Variants in NOL11 observed in about 807,000 individuals in gnomAD.
The protein encoded by NOL11 is nucleolar protein 11.
A neutral mutation model predicts 93.0 loss-of-function variants in NOL11; 42 were observed. The observed-to-expected ratio is 0.45, with a 90% CI of 0.35 to 0.58. The LOEUF (loss-of-function observed/expected upper bound fraction) is 0.58. Ranked by LOEUF, NOL11 falls within the 20% of genes least tolerant of loss-of-function variation. The pLI, the probability that NOL11 is intolerant of heterozygous loss-of-function variation, is 0.00. For synonymous variants in NOL11, 296 were observed against 293.7 expected (o/e 1.01, Z -0.08); for missense variants, 775 against 841.8 (o/e 0.92, Z 0.98).
chr17:67,718,098 A>T lies in NOL11; in HGVS notation c.141+10A>T. ...AGTCATCCTCTATAAGGTGAAGGCA[A>T]TAGGTTTGGGAGCGCCCCGACTGCC... On this transcript the variant is annotated intron_variant, in intron 1 of 17. Coordinates refer to ENST00000253247, the MANE Select transcript of NOL11 (RefSeq NM_015462.5). 6.2e-7 allele frequency: 1 copy of T among 1,612,838 alleles called. No individual in the cohort carries two copies. The highest frequency in any genetic ancestry group is 8.5e-7 in the Non-Finnish European group (1 of 1,179,270).
At chr17:67,732,146 A>G (rs140406882) in intron 7 of NOL11, among the ~76,000 whole-genome samples, 20 of 152,278 alleles carry the variant, frequency 1.3e-4, no homozygotes, top group African/African-American at 4.6e-4. Flanking sequence ...CCATTCAGCA[A>G]TGTTTTATAA....
chr17:67,734,486 G>A, intron 8 of NOL11, 47 bp downstream of exon 8: 1 of 1,291,884 alleles, frequency 7.7e-7, no homozygotes, highest in Non-Finnish European at 1.1e-6. Flanking sequence ...TTATTTTGTT[G>A]TGTTTTGTTT....
At chr17:67,728,910 T>C (rs1309798064) in intron 7 of NOL11, among the ~76,000 whole-genome samples, 1 of 152,206 alleles carries the variant, frequency 6.6e-6, no homozygotes, top group African/African-American at 2.4e-5. Context: ...AAGATGAAAT[T>C]CATATAACAT....
At chr17:67,724,532 A>G (rs1385607578) in intron 6 of NOL11, among the ~76,000 whole-genome samples, 1 of 151,844 alleles carries the variant, frequency 6.6e-6, no homozygotes, top group South Asian at 2.1e-4. Context: ...CGGTTTCGCC[A>G]TGTTGGTCAG....
intron 7 of NOL11, among the ~76,000 whole-genome samples, chr17:67,728,262 AAAATAAAT>A (rs577432921): frequency 6.6e-6 from 1 of 152,148 alleles, no homozygotes; most frequent in Admixed American, 6.5e-5. Flanking sequence ...TCCGTCTCAG[AAAATAAAT>A]AAATAAATAA....
intron 5 of NOL11, among the ~76,000 whole-genome samples, 178 bp downstream of exon 5, chr17:67,722,815 C>T (rs1464443349): frequency 6.6e-6 from 1 of 152,072 alleles, no homozygotes; most frequent in Non-Finnish European, 1.5e-5. Context: ...TGCCGAGTTG[C>T]CTCGTAGCTG....
At chr17:67,718,672 G>T (rs1811867506) in intron 1 of NOL11, among the ~76,000 whole-genome samples, 1 of 152,174 alleles carries the variant, frequency 6.6e-6, no homozygotes, top group Non-Finnish European at 1.5e-5. Flanking sequence ...CCCCATTTCA[G>T]CCTAAAGCCT....
intron 14 of NOL11, chr17:67,738,700 C>A: frequency 4.3e-6 from 2 of 460,122 alleles, no homozygotes; most frequent in Middle Eastern, 5.8e-4. Context: ...AAAGAAGAAG[C>A]TATACTAACA....
intron 16 of NOL11, among the ~76,000 whole-genome samples, chr17:67,741,034 C>T (rs938739269): frequency 6.6e-6 from 1 of 152,124 alleles, no homozygotes; most frequent in African/African-American, 2.4e-5. Context: ...GTAGCTGGGA[C>T]TGCTGGTACA....
chr17:67,738,504 A>G (rs2055225156), intron 14 of NOL11, 149 bp downstream of exon 14: 6 of 609,622 alleles, frequency 9.8e-6, no homozygotes, highest in Admixed American at 3.0e-5. Context: ...ATTATGTTCA[A>G]TGCTACGTTA....
chr17:67,741,857 C>T (rs956404247), intron 16 of NOL11, among the ~76,000 whole-genome samples: 38 of 152,202 alleles, frequency 2.5e-4, no homozygotes, highest in African/African-American at 5.8e-4. Context: ...AGCCACCGCA[C>T]CCGGCCCACT....
chr17:67,719,836 TTAAC>T, intron 2 of NOL11, 49 bp downstream of exon 2: 1 of 1,472,426 alleles, frequency 6.8e-7, no homozygotes, highest in Non-Finnish European at 9.3e-7. Flanking sequence ...ATGTTGATTA[TTAAC>T]TATTTGTATT....
chr17:67,730,879 C>G (rs1164710142), intron 7 of NOL11, among the ~76,000 whole-genome samples: 1 of 152,186 alleles, frequency 6.6e-6, no homozygotes, highest in Non-Finnish European at 1.5e-5. Flanking sequence ...ATTTTACATT[C>G]CCACCGGCAT....
At position 67,718,057 on chromosome 17, in the gene NOL11, C is replaced by G; in HGVS notation, c.110C>G (p.Thr37Arg). 6.2e-7 allele frequency: 1 copy of G among 1,614,240 alleles called. No individual in the cohort carries two copies. Among genetic ancestry groups the G allele is most frequent in the Non-Finnish European group, 8.5e-7 (1 of 1,180,050 alleles). ...QSDKTDQFLV[T>R]DSGRTVILYK... ...GACAAAACAGACCAGTTTCTAGTGACAGACAGCGGCAGGACAGTCATCCTC... is the reference window on the plus strand; with the variant it reads ...GACAAAACAGACCAGTTTCTAGTGAGAGACAGCGGCAGGACAGTCATCCTC... Residue 37 changes from threonine (T) to arginine (R), a missense_variant, in exon 1 of 18, where the codon ACA becomes AGA. Physicochemically the swap from Thr to Arg is moderately conservative, Grantham distance 71. Coordinates refer to ENST00000253247, the MANE Select transcript of NOL11 (RefSeq NM_015462.5).
Position 67,735,980 on chromosome 17 carries a change from A to T in NOL11, c.1011A>T (p.Ser337=), listed in dbSNP as rs529060106. ...TTCCATACAAGTGTGAAGTGTCATC[A>T]TTAGCAGGTGCTCTTGGAAAACTCA... ...TVIPYKCEVS[S]LAGALGKLKH... is the part of the protein sequence containing the mutation. The change falls in exon 9 of 18, where the codon TCA becomes TCT. Residue 337 remains serine, a synonymous_variant. Transcript: ENST00000253247. 7.7e-4 allele frequency: 1,235 copies of T among 1,611,376 alleles called. 13 individuals carry two copies. The South Asian group carries it at 0.013, about 17-fold the overall frequency.
At chr17:67,729,074 T>A (rs1745095020) in intron 7 of NOL11, among the ~76,000 whole-genome samples, 1 of 148,012 alleles carries the variant, frequency 6.8e-6, no homozygotes, top group Non-Finnish European at 1.5e-5. Context: ...TGCATCTACT[T>A]CTGTCTAGTT....
At chr17:67,727,396 C>T (rs2055105891) in intron 7 of NOL11, among the ~76,000 whole-genome samples, 1 of 152,148 alleles carries the variant, frequency 6.6e-6, no homozygotes, top group Non-Finnish European at 1.5e-5. Context: ...GAGCAAGGCT[C>T]AATGCCTATA....
chr17:67,720,801 G>T (rs1213099866), intron 3 of NOL11, among the ~76,000 whole-genome samples: 4 of 152,174 alleles, frequency 2.6e-5, no homozygotes, highest in African/African-American at 9.7e-5. Context: ...TTTAGAAGTG[G>T]CTCACAATAG....
At chr17:67,739,773 C>T (rs2055238031) in intron 16 of NOL11, among the ~76,000 whole-genome samples, 165 bp downstream of exon 16, 1 of 151,820 alleles carries the variant, frequency 6.6e-6, no homozygotes, top group South Asian at 2.1e-4. Flanking sequence ...GGGAGTCTCT[C>T]ATTTAGTAGA....
Sources: allele counts gnomAD v4.1 joint callset (sites outside exome capture counted in the v4.1 genomes callset), GRCh38; gene constraint gnomAD v4.1.1; transcripts MANE v1.5; gene names NCBI Gene and HGNC (gene_info 2026-07-23, HGNC 2026-07-21).